PTPRO: variants seen among roughly 807,000 people sequenced by gnomAD.
PTPRO encodes the protein receptor-type tyrosine-protein phosphatase O.
PTPRO carries 62 observed loss-of-function variants against 145.2 expected under a neutral mutation model. The observed-to-expected ratio is 0.43, with a 90% CI of 0.35 to 0.53. PTPRO has a LOEUF of 0.53. Ranked by LOEUF, PTPRO falls within the 20% of genes least tolerant of loss-of-function variation. The pLI is 0.01. For missense variants in PTPRO, 1,345 were observed against 1,482.7 expected (o/e 0.91, Z 1.53); for synonymous variants, 565 against 514.7 (o/e 1.10, Z -1.32).
chr12:15,470,324 C>A (rs143068897), intron 1 of PTPRO, among the ~76,000 whole-genome samples: 3 of 152,258 alleles, frequency 2.0e-5, no homozygotes, highest in Non-Finnish European at 2.9e-5. Context: ...CTTGAGAAAT[C>A]CATTTAATTC....
chr12:15,595,073 C>T lies in PTPRO; in HGVS notation c.*16+16C>T. 1 of 1,508,730 alleles carries T rather than the reference C, an allele frequency of 6.6e-7. No homozygotes were observed. Among genetic ancestry groups the T allele is most frequent in the East Asian group, 2.3e-5 (1 of 44,258 alleles). The allele number at this position is 1,508,730 out of a possible 1,614,324, so 93.5% of individuals were successfully genotyped here. A position where few individuals can be genotyped will look rare whatever the true frequency, so the allele number is the denominator to read the frequency against. On this transcript the variant is annotated intron_variant, in intron 26 of 26. Coordinates refer to ENST00000281171, the MANE Select transcript of PTPRO (RefSeq NM_030667.3). The stretch of plus-strand genomic sequence containing the variant: ...ATCCGGAGCAGTAAGTGGAGAAGAG[C>T]TCTCCACGAGTGCTCAGTCTTAGAA...
At chr12:15,551,119 G>C (rs1943446722) in intron 14 of PTPRO, among the ~76,000 whole-genome samples, 1 of 152,156 alleles carries the variant, frequency 6.6e-6, no homozygotes, top group African/African-American at 2.4e-5. Flanking sequence ...TGTAAGCAAA[G>C]TATACAGTTG....
At chr12:15,478,034 G>A (rs928855765) in intron 1 of PTPRO, among the ~76,000 whole-genome samples, 2 of 152,120 alleles carry the variant, frequency 1.3e-5, no homozygotes, top group African/African-American at 4.8e-5. Context: ...TGTTTCTGAT[G>A]GCCAAGAAAA....
intron 1 of PTPRO, among the ~76,000 whole-genome samples, chr12:15,340,448 C>T (rs1226927073): frequency 1.3e-5 from 2 of 152,198 alleles, no homozygotes; most frequent in African/African-American, 4.8e-5. Flanking sequence ...CAGCTGATTC[C>T]TGCCCATCCA....
Position 15,503,966 on chromosome 12 carries a change from G to A in PTPRO, c.1164G>A (p.Leu388=), listed in dbSNP as rs1162623096. The A allele has an allele frequency of 1.2e-6, 2 of 1,600,464 alleles. No individual in the cohort carries two copies. The highest frequency in any genetic ancestry group is 1.7e-5 in the Admixed American group (1 of 59,998). ...AAGCACATGAATTTGTTGCAGAACT[G>A]AAGGAACCTGGGAAATATAAGTTAT... The part of the protein sequence containing the change: ...DEEAHEFVAE[L]KEPGKYKLSV... The change falls in exon 6 of 27, where the codon CTG becomes CTA. Residue 388 remains leucine (L), a synonymous_variant. Transcript: ENST00000281171.
chr12:15,502,063 G>A lies in PTPRO; in HGVS notation c.1105G>A (p.Glu369Lys). The change falls in exon 5 of 27, where the codon GAG becomes AAG. Residue 369 changes from glutamate (E) to lysine (K), a missense_variant and splice_region_variant. Glu to Lys is a moderately conservative substitution (Grantham distance 56). Transcript: ENST00000281171. ...DGFHIHIERE[E>K]NFTEYLMVDE... ...GTTCCATATCCATATTGAACGAGAA[G>A]GTAAAGCAGTAGGAAATCAGAGGAA... The A allele has an allele frequency of 6.2e-7, 1 of 1,606,688 alleles. No homozygotes were observed. Among genetic ancestry groups the A allele is most frequent in the Non-Finnish European group, 8.5e-7 (1 of 1,173,366 alleles).
intron 12 of PTPRO, among the ~76,000 whole-genome samples, chr12:15,527,712 A>C (rs1047514946): frequency 1.4e-4 from 22 of 152,366 alleles, no homozygotes; most frequent in African/African-American, 5.0e-4. Context: ...CTAGAGCTGA[A>C]ATGTAGGCAG....
chr12:15,406,307 T>G (rs1010578168), intron 1 of PTPRO, among the ~76,000 whole-genome samples: 3 of 152,186 alleles, frequency 2.0e-5, no homozygotes, highest in Non-Finnish European at 4.4e-5. Flanking sequence ...TAGGGATACA[T>G]GCAGAGATAA....
Position 15,501,956 on chromosome 12 carries a change from C to G in PTPRO, c.998C>G (p.Ser333Ter). ...NNSTLSETEK[S>*]TSGSFSFFPV... ...AGTACACTCAGTGAGACAGAGAAGT[C>G]AACATCAGGCTCTTTCTCCTTTTTC... Residue 333 changes from serine (S) to a stop codon, truncating the protein, a stop_gained, in exon 5 of 27, where the codon TCA (serine) becomes TGA (stop). Transcript: ENST00000281171. LOFTEE classifies it high-confidence loss of function. 1 of 1,613,886 alleles carries G rather than the reference C, an allele frequency of 6.2e-7. No homozygotes were observed. The highest frequency in any genetic ancestry group is 8.5e-7 in the Non-Finnish European group (1 of 1,179,794).
chr12:15,545,669 G>A (rs1323730552), intron 12 of PTPRO, among the ~76,000 whole-genome samples: 2 of 152,006 alleles, frequency 1.3e-5, no homozygotes, highest in Non-Finnish European at 2.9e-5. Flanking sequence ...AAGATAAAAT[G>A]TCTAAGATAA....
At chr12:15,586,758 C>A in intron 23 of PTPRO, 139 bp from the exon 24 acceptor site, 1 of 885,636 alleles carries the variant, frequency 1.1e-6, no homozygotes, top group Non-Finnish European at 1.8e-6. Context: ...AGATATGGTG[C>A]TCAAAGCTGG....
At chr12:15,498,110 T>C (rs913573334) in intron 3 of PTPRO, among the ~76,000 whole-genome samples, 5 of 151,916 alleles carry the variant, frequency 3.3e-5, no homozygotes, top group African/African-American at 7.3e-5. Flanking sequence ...GATATCAGAG[T>C]TGGCTGACTG....
Position 15,560,285 on chromosome 12 carries a change from T to C in PTPRO, c.2711+9T>C. 6.7e-7 allele frequency: 1 copy of C among 1,499,248 alleles called. No homozygotes were observed. Among genetic ancestry groups the C allele is most frequent in the South Asian group, 1.1e-5 (1 of 88,044 alleles). 92.9% of individuals were successfully genotyped at this position (1,499,248 alleles called of 1,614,324 possible). ...TTTTATATTAATCCTTGGTAAGTGA[T>C]TTTTTTTTACTGTTTAACACAAACT... On this transcript the variant is annotated intron_variant, in intron 17 of 26. Coordinates refer to ENST00000281171, the MANE Select transcript of PTPRO (RefSeq NM_030667.3).
chr12:15,560,297 G>A (rs1449935787), intron 17 of PTPRO, 21 bp downstream of exon 17: 3 of 1,500,316 alleles, frequency 2.0e-6, no homozygotes, highest in Non-Finnish European at 2.8e-6. Context: ...TTTTTTTACT[G>A]TTTAACACAA....
Position 15,335,551 on chromosome 12 carries a change from C to G in PTPRO, c.75+12750C>G, listed in dbSNP as rs146569645. Among the ~76,000 whole-genome samples the G allele has an allele frequency of 1.8e-4, 28 of 152,046 alleles. No individual in the cohort carries two copies. The East Asian group carries it at 5.2e-3, about 28-fold the overall frequency. On this transcript the variant is annotated intron_variant, in intron 1 of 26. Transcript: ENST00000281171. ...TAGTCTTTTAGAACTGACTATAGGCCTTATTCAAAGTGGTTAGATACTTGA... is the reference window on the plus strand; with the variant it reads ...TAGTCTTTTAGAACTGACTATAGGCGTTATTCAAAGTGGTTAGATACTTGA...
chr12:15,419,949 A>C (rs1003340838), intron 1 of PTPRO, among the ~76,000 whole-genome samples: 5 of 151,036 alleles, frequency 3.3e-5, no homozygotes, highest in Admixed American at 3.3e-4. Context: ...AGATCGAGAC[A>C]ATCGTGGCTG....
At chr12:15,455,427 T>C (rs1941151666) in intron 1 of PTPRO, among the ~76,000 whole-genome samples, 1 of 152,122 alleles carries the variant, frequency 6.6e-6, no homozygotes, top group African/African-American at 2.4e-5. Flanking sequence ...ATTTGCAGAT[T>C]GCACAATAAG....
At chr12:15,358,563 T>C (rs1938072687) in intron 1 of PTPRO, among the ~76,000 whole-genome samples, 1 of 152,182 alleles carries the variant, frequency 6.6e-6, no homozygotes, top group Non-Finnish European at 1.5e-5. Context: ...CTCTGTTCAG[T>C]CAGGCTTTGG....
rs1024383503 is a variant in PTPRO, at chr12:15,596,863, G to T, written c.*790G>T. On this transcript the variant is annotated 3_prime_UTR_variant, in exon 27 of 27. Coordinates refer to ENST00000281171, the MANE Select transcript of PTPRO (RefSeq NM_030667.3). ...AGTTCTTTCTCAAGAAACCACATCTGGTTCAGAAGAGTGTCAAGTTGGACT... is the reference window on the plus strand; with the variant it reads ...AGTTCTTTCTCAAGAAACCACATCTTGTTCAGAAGAGTGTCAAGTTGGACT... 2 of 152,584 alleles carry T rather than the reference G, an allele frequency of 1.3e-5. No individual in the cohort carries two copies. Among genetic ancestry groups the T allele is most frequent in the African/African-American group, 4.8e-5 (2 of 41,432 alleles). The allele number at this position is 152,584 out of a possible 1,614,324, so 9.5% of individuals were successfully genotyped here.
Sources: gnomAD v4.1 joint callset for allele counts (sites outside exome capture counted in the v4.1 genomes callset) on GRCh38, gnomAD v4.1.1 for gene constraint, MANE v1.5 for transcripts, NCBI Gene and HGNC (gene_info 2026-07-23, HGNC 2026-07-21) for gene names.